Variants in SLC28A3 observed in about 807,000 individuals in gnomAD.
The protein encoded by SLC28A3 is solute carrier family 28 member 3.
In SLC28A3, 68 loss-of-function variants were observed where a neutral mutation model predicts 84.2. The ratio of observed to expected loss-of-function variants is 0.81; its 90% confidence interval spans 0.66 to 0.99. The LOEUF (loss-of-function observed/expected upper bound fraction) is 0.99, where lower values mean the gene tolerates loss of function less well. SLC28A3 is among the 50% of genes least tolerant of loss of function. SLC28A3 has a pLI of 0.00. For synonymous variants in SLC28A3, 267 were observed against 303.6 expected (o/e 0.88, Z 1.25); for missense variants, 712 against 841.5 (o/e 0.85, Z 1.90).
intron 13 of SLC28A3, 112 bp downstream of exon 13, chr9:84,285,831 A>G (rs904838878): frequency 2.0e-5 from 25 of 1,257,346 alleles, no homozygotes; most frequent in Non-Finnish European, 2.5e-5. Flanking sequence ...AGAAGCTTCT[A>G]CGGTGTGGAA....
chr9:84,299,096 C>G (rs1204347668), intron 6 of SLC28A3, among the ~76,000 whole-genome samples: 2 of 152,268 alleles, frequency 1.3e-5, no homozygotes, highest in Admixed American at 1.3e-4. Flanking sequence ...TCTCAGAATT[C>G]TTGCCCATTT....
intron 11 of SLC28A3, among the ~76,000 whole-genome samples, chr9:84,289,287 C>T (rs980338985): frequency 6.6e-6 from 1 of 152,176 alleles, no homozygotes; most frequent in Non-Finnish European, 1.5e-5. Flanking sequence ...GGATGAAGAC[C>T]TACAATGAAG....
upstream of SLC28A3, among the ~76,000 whole-genome samples, chr9:84,344,965 G>T (rs1827225760): frequency 6.6e-6 from 1 of 152,146 alleles, no homozygotes; most frequent in Non-Finnish European, 1.5e-5. Flanking sequence ...TGTGTCATGG[G>T]CCATGATCAC....
At chr9:84,340,400 A>T (rs1157490395) in intron 1 of SLC28A3, among the ~76,000 whole-genome samples, 174 bp downstream of exon 1, 1 of 152,222 alleles carries the variant, frequency 6.6e-6, no homozygotes, top group African/African-American at 2.4e-5. Flanking sequence ...GAGACTTTTC[A>T]GGTTTGTCAA....
At chr9:84,317,286 G>A (rs1201414750) in intron 1 of SLC28A3, among the ~76,000 whole-genome samples, 1 of 152,192 alleles carries the variant, frequency 6.6e-6, no homozygotes, top group Non-Finnish European at 1.5e-5. Context: ...TAGAAAGCCT[G>A]ATTTGAACTC....
chr9:84,317,970 A>G (rs1456386883), intron 1 of SLC28A3, among the ~76,000 whole-genome samples: 2 of 152,148 alleles, frequency 1.3e-5, no homozygotes, highest in African/African-American at 2.4e-5. Context: ...TACTCTTACC[A>G]TCTACCAATG....
rs550150169 is a variant in SLC28A3 at position 84,327,508 on chromosome 9, C to T, written c.60+13066G>A. Among the ~76,000 whole-genome samples, 3 of 152,220 alleles carry T rather than the reference C, an allele frequency of 2.0e-5. No individual in the cohort carries two copies. The East Asian group carries it at 5.8e-4, about 29-fold the overall frequency. ...ACAGACTCATGATAGCCTCAACAAC[C>T]CTGCAATCATGAAAACTAGGAGTCT... On this transcript the variant is annotated intron_variant, in intron 1 of 17. Coordinates refer to ENST00000376238, the MANE Select transcript of SLC28A3 (RefSeq NM_001199633.2).
rs375457553 is a variant in SLC28A3, at chr9:84,297,990, G to A, written c.699C>T (p.Ile233=). 8.2e-5 allele frequency: 133 copies of A among 1,612,400 alleles called. 2 individuals are homozygous for A. The South Asian group carries it at 1.3e-3, about 15-fold the overall frequency. Residue 233 remains isoleucine (I), a synonymous_variant, in exon 7 of 18, where the codon ATC becomes ATT. Transcript: ENST00000376238. ...AGAGCCCAAGAAGAAACTGTAGCCC[G>A]ATTCCCCATAAGACAGGTCTCCAGT... ...RVYWRPVLWG[I]GLQFLLGLLI...
chr9:84,313,898 T>A (rs1203547134), intron 1 of SLC28A3, among the ~76,000 whole-genome samples: 1 of 149,436 alleles, frequency 6.7e-6, no homozygotes, highest in Admixed American at 6.7e-5. Context: ...GAAAAGAAAG[T>A]AAAGAAAAGA....
chr9:84,286,826 A>G (rs1021288515), intron 12 of SLC28A3, among the ~76,000 whole-genome samples: 12 of 152,038 alleles, frequency 7.9e-5, no homozygotes, highest in Non-Finnish European at 1.5e-4. Flanking sequence ...CCTCCCCTCT[A>G]ATCTCAGAGG....
Position 84,286,062 on chromosome 9 carries a change from T to C in SLC28A3, c.1330A>G (p.Ile444Val), listed in dbSNP as rs755511024. Residue 444 changes from isoleucine to valine, a missense_variant, in exon 13 of 18, where the codon ATC becomes GTC. Ile to Val is a conservative substitution (Grantham distance 29). Transcript: ENST00000376238. ...ACAGCGATGTTGGCCACCAGGGAGA[T>C]GGAGGAGGATGCTCCCTGTGTTGCA... is the stretch of plus-strand genomic sequence containing the variant. ...EAATQGASSS[I>V]SLVANIAVNL... 1.2e-6 allele frequency: 2 copies of C among 1,614,036 alleles called. No individual in the cohort carries two copies. The highest frequency in any genetic ancestry group is 1.7e-5 in the Admixed American group (1 of 60,012).
rs767770762 is a variant in SLC28A3 at position 84,299,547 on chromosome 9, A to T, written c.669+34T>A. ...GCAATTTACACATGGGGAGAAAAAGAAAAAAGAACCTAAAAGATCAACTGG... is the reference window on the plus strand; with the variant it reads ...GCAATTTACACATGGGGAGAAAAAGTAAAAAGAACCTAAAAGATCAACTGG... On this transcript the variant is annotated intron_variant, in intron 6 of 17. Transcript: ENST00000376238. The T allele has an allele frequency of 3.1e-6, 5 of 1,611,630 alleles. 1 individual carries two copies. In the East Asian group the frequency reaches 1.1e-4, roughly 36 times the overall value.
In SLC28A3 at chr9:84,278,318, A is replaced by G. The variant is rs780560969; in HGVS notation, c.1976T>C (p.Val659Ala). ...CAGACTGTGGTTTCCTCCTGGGATGACTTCACCAGGACCCTTGGCAACAGT... is the reference window on the plus strand; with the variant it reads ...CAGACTGTGGTTTCCTCCTGGGATGGCTTCACCAGGACCCTTGGCAACAGT... Reference protein sequence around the residue: ...SSTVAKGPGEVIPGGNHSLYS... With the variant: ...SSTVAKGPGEAIPGGNHSLYS... Residue 659 changes from valine to alanine, a missense_variant, in exon 18 of 18, where the codon GTC (valine) becomes GCC (alanine). Coordinates refer to ENST00000376238, the MANE Select transcript of SLC28A3 (RefSeq NM_001199633.2). The G allele has an allele frequency of 6.2e-7, 1 of 1,614,146 alleles. No individual in the cohort carries two copies. The highest frequency in any genetic ancestry group is 8.5e-7 in the Non-Finnish European group (1 of 1,180,006).
intron 3 of SLC28A3, 115 bp from the exon 4 acceptor site, chr9:84,305,460 G>A: frequency 1.2e-6 from 1 of 810,816 alleles, no homozygotes; most frequent in Non-Finnish European, 2.1e-6. Context: ...ACACATGTGT[G>A]AGGCGTATGT....
intron 1 of SLC28A3, among the ~76,000 whole-genome samples, chr9:84,322,183 C>G (rs937485083): frequency 6.6e-6 from 1 of 152,170 alleles, no homozygotes; most frequent in Non-Finnish European, 1.5e-5. Flanking sequence ...CTTCTAAATT[C>G]AAGAACAGGA....
At chr9:84,312,180 C>G (rs1826012076) in intron 2 of SLC28A3, among the ~76,000 whole-genome samples, 1 of 152,178 alleles carries the variant, frequency 6.6e-6, no homozygotes, top group South Asian at 2.1e-4. Flanking sequence ...TAAAGCTGCT[C>G]TAAACATCCA....
At chr9:84,315,062 G>A (rs1171077910) in intron 1 of SLC28A3, among the ~76,000 whole-genome samples, 1 of 151,978 alleles carries the variant, frequency 6.6e-6, no homozygotes, top group Non-Finnish European at 1.5e-5. Flanking sequence ...CTGGGCGACA[G>A]AGCGAGACTC....
intron 7 of SLC28A3, 72 bp downstream of exon 7, chr9:84,297,834 G>T (rs1825473463): frequency 2.4e-6 from 3 of 1,256,016 alleles, no homozygotes; most frequent in Non-Finnish European, 3.4e-6. Context: ...ACCCATTTCT[G>T]ACACGTCTTG....
At chr9:84,350,271 G>A in the SLC28A3 span, among the ~76,000 whole-genome samples, 1 of 152,016 alleles carries the variant, frequency 6.6e-6, no homozygotes, top group Non-Finnish European at 1.5e-5. Context: ...GTGAAACCAC[G>A]TCTCTACTAA....
Sources: allele counts gnomAD v4.1 joint callset (sites outside exome capture counted in the v4.1 genomes callset), GRCh38; gene constraint gnomAD v4.1.1; transcripts MANE v1.5; gene names NCBI Gene and HGNC (gene_info 2026-07-23, HGNC 2026-07-21).